TTC28: variants seen among roughly 807,000 people sequenced by gnomAD.
The protein encoded by TTC28 is tetratricopeptide repeat protein 28.
A neutral mutation model predicts 198.0 loss-of-function variants in TTC28; 61 were observed. The ratio of observed to expected loss-of-function variants is 0.31; its 90% CI spans 0.25 to 0.38. The LOEUF (loss-of-function observed/expected upper bound fraction) is 0.38, where lower values mean the gene tolerates loss of function less well. Among genes scored for constraint, TTC28 ranks in the 10% least tolerant of loss-of-function variants. The pLI is 1.00. For synonymous variants in TTC28, 1,171 were observed against 1,297.8 expected (o/e 0.90, Z 2.10); for missense variants, 2,678 against 3,164.0 (o/e 0.85, Z 3.69).
intron 2 of TTC28, among the ~76,000 whole-genome samples, chr22:28,401,156 GAGGAAA>G (rs957411420): frequency 6.6e-6 from 1 of 151,574 alleles, no homozygotes; most frequent in Non-Finnish European, 1.5e-5. Context: ...GGAGGAGAAA[GAGGAAA>G]AGGAAGAGGA....
rs186010540 is a variant in TTC28 at position 28,405,761 on chromosome 22, C to A, written c.382-99118G>T. 2.7e-3 allele frequency among the ~76,000 whole-genome samples: 408 copies of A among 152,340 alleles called. 1 individual carries two copies. Among genetic ancestry groups the A allele is most frequent in the African/African-American group, 9.5e-3 (393 of 41,582 alleles). ...GGAAGAGGTGCTGAAAGCACCACTC[C>A]ATAAGATACACCCACCAGCACCATG... On this transcript the variant is annotated intron_variant, in intron 2 of 22. Transcript: ENST00000397906.
chr22:28,661,187 G>C (rs1196155339), intron 1 of TTC28, among the ~76,000 whole-genome samples: 4 of 151,994 alleles, frequency 2.6e-5, no homozygotes, highest in Admixed American at 2.6e-4. Context: ...GGGAAGCTAA[G>C]GCAGGAGAAT....
chr22:28,502,329 T>G (rs563874035), intron 2 of TTC28, among the ~76,000 whole-genome samples: 1 of 152,094 alleles, frequency 6.6e-6, no homozygotes, highest in Non-Finnish European at 1.5e-5. Flanking sequence ...TCGTGCAGGA[T>G]CCTTTCTGAA....
chr22:28,222,472 T>C (rs1188092297), intron 5 of TTC28, among the ~76,000 whole-genome samples: 5 of 152,232 alleles, frequency 3.3e-5, no homozygotes, highest in Admixed American at 3.3e-4. Context: ...AGTAAAAGTA[T>C]TTCCTCTTTA....
chr22:28,197,785 T>C (rs1426086831), intron 5 of TTC28, among the ~76,000 whole-genome samples: 2 of 151,770 alleles, frequency 1.3e-5, no homozygotes, highest in Non-Finnish European at 2.9e-5. Flanking sequence ...GAGATTGAGG[T>C]AGGAGGATCT....
chr22:28,276,202 G>A (rs184248706), intron 5 of TTC28, among the ~76,000 whole-genome samples: 3 of 151,820 alleles, frequency 2.0e-5, no homozygotes, highest in East Asian at 1.9e-4. Context: ...TTGTAGACAC[G>A]AGGTTTCGCC....
chr22:28,278,793 T>G (rs1374314152), intron 5 of TTC28, among the ~76,000 whole-genome samples: 4 of 152,224 alleles, frequency 2.6e-5, no homozygotes, highest in African/African-American at 9.6e-5. Flanking sequence ...CAAACTGCAC[T>G]TGTAGGATAA....
chr22:28,286,120 C>T (rs1224846280), intron 5 of TTC28, among the ~76,000 whole-genome samples: 2 of 152,004 alleles, frequency 1.3e-5, no homozygotes, highest in Non-Finnish European at 2.9e-5. Context: ...CTGCCTCAGC[C>T]TCTAGAGGTT....
intron 13 of TTC28, among the ~76,000 whole-genome samples, chr22:28,022,482 T>C (rs1474237368): frequency 1.3e-5 from 2 of 152,256 alleles, no homozygotes; most frequent in Admixed American, 6.5e-5. Context: ...GGGGGAATCC[T>C]GCCTCTGCCC....
At chr22:27,990,166 A>C in intron 20 of TTC28, 159 bp from the exon 21 acceptor site, 3 of 971,486 alleles carry the variant, frequency 3.1e-6, no homozygotes, top group South Asian at 4.1e-5. Flanking sequence ...ATTCATACCT[A>C]CTGTCCTGCT....
At chr22:28,243,825 G>A (rs1168398695) in intron 5 of TTC28, among the ~76,000 whole-genome samples, 1 of 152,102 alleles carries the variant, frequency 6.6e-6, no homozygotes, top group Non-Finnish European at 1.5e-5. Flanking sequence ...TAGAATAGCT[G>A]TCCCCCAACT....
At chr22:28,571,976 AAAAAAAACCGATAATGTATACTCTGCC>A (rs1486466364) in intron 2 of TTC28, among the ~76,000 whole-genome samples, 1 of 151,690 alleles carries the variant, frequency 6.6e-6, no homozygotes, top group Non-Finnish European at 1.5e-5. Flanking sequence ...AAACAAACAA[AAAAAAAACCGATAATGTATACTCTGCC>A]ACCCAGCAAC....
chr22:27,999,233 A>T lies in TTC28; in HGVS notation c.4426T>A (p.Tyr1476Asn). 6.4e-7 allele frequency: 1 copy of T among 1,550,702 alleles called. No homozygotes were observed. Among genetic ancestry groups the T allele is most frequent in the Non-Finnish European group, 8.7e-7 (1 of 1,146,770 alleles). ...GCCGCCATGGATGTGGAGCTGGAGT[A>T]TGTGGGCGGGTTCTTCCGTAAGTGA... ...KSHLRKNPPT[Y>N]SSSTSMAAVI... Residue 1476 changes from tyrosine (Y) to asparagine (N), a missense_variant, in exon 16 of 23, where the codon TAC becomes AAC. Physicochemically the swap from Tyr to Asn is moderately radical, Grantham distance 143. Transcript: ENST00000397906.
chr22:28,524,716 C>T (rs1248890114), intron 2 of TTC28, among the ~76,000 whole-genome samples: 1 of 152,088 alleles, frequency 6.6e-6, no homozygotes, highest in Non-Finnish European at 1.5e-5. Context: ...GACAAAGAAA[C>T]CATTATTTAC....
chr22:28,563,534 C>T (rs555475051), intron 2 of TTC28, among the ~76,000 whole-genome samples: 3 of 152,202 alleles, frequency 2.0e-5, no homozygotes, highest in Non-Finnish European at 2.9e-5. Flanking sequence ...CAGCAACAAG[C>T]ACATGAAATG....
chr22:28,121,082 G>T (rs1223765567), intron 6 of TTC28, among the ~76,000 whole-genome samples: 1 of 152,192 alleles, frequency 6.6e-6, no homozygotes, highest in African/African-American at 2.4e-5. Context: ...TTAATTGAGA[G>T]GAACTTACAT....
rs1055316572 is a variant in TTC28, at chr22:28,587,258, C to T, written c.381+42294G>A. Among the ~76,000 whole-genome samples the T allele has an allele frequency of 2.0e-5, 3 of 152,188 alleles. 1 individual carries two copies. The highest frequency in any genetic ancestry group is 4.4e-5 in the Non-Finnish European group (3 of 68,034). ...TCTGTAATCTCATCCACTCAGGAGG[C>T]TGAGGCATGAGAATTGTTTGAACAT... On this transcript the variant is annotated intron_variant, in intron 2 of 22. Transcript: ENST00000397906.
At chr22:28,211,412 G>A (rs1375009007) in intron 5 of TTC28, among the ~76,000 whole-genome samples, 4 of 152,018 alleles carry the variant, frequency 2.6e-5, no homozygotes, top group South Asian at 2.1e-4. Context: ...CACACACATA[G>A]GCTCAAAATA....
intron 2 of TTC28, among the ~76,000 whole-genome samples, chr22:28,564,405 T>C (rs2049938724): frequency 6.6e-6 from 1 of 152,140 alleles, no homozygotes; most frequent in Non-Finnish European, 1.5e-5. Flanking sequence ...CTTCAGAAAA[T>C]ACTTTTTAAT....
Sources: gnomAD v4.1 joint callset for allele counts (sites outside exome capture counted in the v4.1 genomes callset) on GRCh38, gnomAD v4.1.1 for gene constraint, MANE v1.5 for transcripts, NCBI Gene and HGNC (gene_info 2026-07-23, HGNC 2026-07-21) for gene names.